Variants in GNAI1 observed in about 807,000 individuals in gnomAD.
GNAI1 encodes guanine nucleotide-binding protein G(i) subunit alpha-1.
In GNAI1, 11 loss-of-function variants were observed where a neutral mutation model predicts 38.9. The observed-to-expected ratio is 0.28, with a 90% CI of 0.18 to 0.47. The LOEUF is 0.47. Ranked by LOEUF, GNAI1 falls within the 20% of genes least tolerant of loss-of-function variation. The pLI is 0.99. For synonymous variants in GNAI1, 166 were observed against 145.1 expected (o/e 1.14, Z -1.04); for missense variants, 317 against 436.9 (o/e 0.73, Z 2.45).
At chr7:80,143,786 A>G (rs1362111507) in intron 1 of GNAI1, among the ~76,000 whole-genome samples, 2 of 152,164 alleles carry the variant, frequency 1.3e-5, no homozygotes, top group African/African-American at 2.4e-5. Flanking sequence ...CATTCTTAAT[A>G]ATTATAGGCT....
chr7:80,214,733 C>T (rs1010781382), intron 7 of GNAI1, among the ~76,000 whole-genome samples: 4 of 152,182 alleles, frequency 2.6e-5, no homozygotes, highest in Admixed American at 6.5e-5. Context: ...CCCTAAACAA[C>T]TCACTTGATT....
At chr7:80,136,448 A>G (rs1398383835) in intron 1 of GNAI1, among the ~76,000 whole-genome samples, 1 of 152,096 alleles carries the variant, frequency 6.6e-6, no homozygotes, top group East Asian at 1.9e-4. Flanking sequence ...TTTCTCCATT[A>G]CTAGTAGGCT....
rs527439982 is a variant in GNAI1 at position 80,185,011 on chromosome 7, A to T, written c.119-3940A>T. Reference sequence around the variant, plus strand: ...CGCACTTTGATCTTTCTTGACTGACACATGTTACATATTTCTCTTTTCTTC... The same window carrying T: ...CGCACTTTGATCTTTCTTGACTGACTCATGTTACATATTTCTCTTTTCTTC... On this transcript the variant is annotated intron_variant, in intron 1 of 7. Coordinates refer to ENST00000649796, the MANE Select transcript of GNAI1 (RefSeq NM_002069.6). Among the ~76,000 whole-genome samples, 12 of 151,648 alleles carry T rather than the reference A, an allele frequency of 7.9e-5. No individual in the cohort carries two copies. The South Asian group carries it at 2.5e-3, about 31-fold the overall frequency.
intron 1 of GNAI1, among the ~76,000 whole-genome samples, chr7:80,138,206 T>C (rs1237826266): frequency 1.3e-5 from 2 of 152,336 alleles, no homozygotes; most frequent in Non-Finnish European, 2.9e-5. Flanking sequence ...ATATTGCATT[T>C]TTTTCTTAAG....
chr7:80,171,388 G>A (rs1296085043), intron 1 of GNAI1, among the ~76,000 whole-genome samples: 1 of 152,090 alleles, frequency 6.6e-6, no homozygotes, highest in Admixed American at 6.5e-5. Context: ...ATTTATCATT[G>A]TTAGACTCAC....
chr7:80,198,989 G>T (rs1744061934), intron 3 of GNAI1, among the ~76,000 whole-genome samples: 2 of 152,130 alleles, frequency 1.3e-5, no homozygotes, highest in African/African-American at 2.4e-5. Flanking sequence ...CAGCTTCCTA[G>T]TGCCTTGACA....
rs79905142 is a variant in GNAI1 at position 80,222,677 on chromosome 7, G to A, written c.*5184G>A. Among the ~76,000 whole-genome samples the A allele has an allele frequency of 3.3e-5, 5 of 152,062 alleles. No homozygotes were observed. The highest frequency in any genetic ancestry group is 6.5e-5 in the Admixed American group (1 of 15,272). ...GCTGGGATTACAGGTGTGAGCCACC[G>A]CACCTGGCCAAAATATTTTTAATTG... On this transcript the variant is annotated 3_prime_UTR_variant, in exon 8 of 8. Transcript: ENST00000649796.
At chr7:80,163,468 G>A (rs1305047961) in intron 1 of GNAI1, among the ~76,000 whole-genome samples, 2 of 152,082 alleles carry the variant, frequency 1.3e-5, no homozygotes, top group Admixed American at 6.5e-5. Context: ...TTCACTGTTG[G>A]CACATTAATT....
chr7:80,193,197 G>A (rs1298215233), intron 3 of GNAI1, among the ~76,000 whole-genome samples: 1 of 152,054 alleles, frequency 6.6e-6, no homozygotes, highest in African/African-American at 2.4e-5. Flanking sequence ...GAACTTGAGA[G>A]CCAGCTTAAT....
intron 5 of GNAI1, among the ~76,000 whole-genome samples, chr7:80,204,293 A>G (rs1237602092): frequency 6.6e-6 from 1 of 152,054 alleles, no homozygotes. Context: ...TTCCCTATGA[A>G]GGTAGTCCTT....
chr7:80,172,864 G>T (rs1020627760), intron 1 of GNAI1, among the ~76,000 whole-genome samples: 1 of 152,066 alleles, frequency 6.6e-6, no homozygotes, highest in African/African-American at 2.4e-5. Context: ...CATAATATTA[G>T]AAGTTTTTTA....
chr7:80,137,307 C>CTT (rs1787435379), intron 1 of GNAI1, among the ~76,000 whole-genome samples: 2 of 61,202 alleles, frequency 3.3e-5, no homozygotes, highest in Admixed American at 2.0e-4. Flanking sequence ...TTTTTTTTTT[C>CTT]TTTTCTTTTC....
chr7:80,161,297 T>C (rs997578409), intron 1 of GNAI1, among the ~76,000 whole-genome samples: 6 of 152,196 alleles, frequency 3.9e-5, no homozygotes, highest in Admixed American at 1.3e-4. Flanking sequence ...TCTGAGAAAT[T>C]GTTGCTGCAT....
chr7:80,208,450 TA>T (rs1484450416), intron 5 of GNAI1, among the ~76,000 whole-genome samples: 1 of 152,178 alleles, frequency 6.6e-6, no homozygotes, highest in Non-Finnish European at 1.5e-5. Flanking sequence ...CCAACAAACT[TA>T]AGCAGTTTGA....
At chr7:80,188,669 G>T (rs371904260) in intron 1 of GNAI1, among the ~76,000 whole-genome samples, 1 of 152,134 alleles carries the variant, frequency 6.6e-6, no homozygotes, top group African/African-American at 2.4e-5. Flanking sequence ...CCTGTGGCTA[G>T]AACAGCTGTC....
Position 80,219,476 on chromosome 7 carries a change from T to C in GNAI1, c.*1983T>C, listed in dbSNP as rs1480295971. On this transcript the variant is annotated 3_prime_UTR_variant, in exon 8 of 8. Transcript: ENST00000649796. ...TCTGTTGTTTCTTCATTTCTTCTTT[T>C]TCTATGCTCTTTTTACAATTTCAGC... 2.0e-5 allele frequency: 3 copies of C among 152,632 alleles called. No homozygotes were observed. The East Asian group carries it at 5.8e-4, about 29-fold the overall frequency. The allele number at this position is 152,632 out of a possible 1,614,324, so 9.5% of individuals were successfully genotyped here.
chr7:80,170,667 A>G (rs1584024763), intron 1 of GNAI1, among the ~76,000 whole-genome samples: 1 of 152,172 alleles, frequency 6.6e-6, no homozygotes, highest in Non-Finnish European at 1.5e-5. Context: ...GAGAGGCGGG[A>G]GGTGATATAT....
At chr7:80,209,069 A>T (rs1027404690) in intron 5 of GNAI1, among the ~76,000 whole-genome samples, 4 of 152,104 alleles carry the variant, frequency 2.6e-5, no homozygotes, top group Admixed American at 1.3e-4. Flanking sequence ...ATTGTCTTTA[A>T]TCTCCCTATT....
intron 6 of GNAI1, among the ~76,000 whole-genome samples, chr7:80,212,337 T>C (rs1278946996): frequency 2.0e-5 from 3 of 152,204 alleles, no homozygotes; most frequent in Admixed American, 2.0e-4. Flanking sequence ...ATTTAAGTTA[T>C]TAATCTTTAA....
Sources: allele counts gnomAD v4.1 joint callset (sites outside exome capture counted in the v4.1 genomes callset), GRCh38; gene constraint gnomAD v4.1.1; transcripts MANE v1.5; gene names NCBI Gene and HGNC (gene_info 2026-07-23, HGNC 2026-07-21).